AMER1: variants seen among roughly 807,000 people sequenced by gnomAD.
AMER1 encodes RP11-403E24.2.
Under a neutral mutation model 53.0 loss-of-function variants are expected in AMER1, and 16 were observed. The observed-to-expected ratio is 0.30, with a 90% CI of 0.20 to 0.46. The LOEUF (loss-of-function observed/expected upper bound fraction) is 0.46, where lower values mean the gene tolerates loss of function less well. Among genes scored for constraint, AMER1 ranks in the 20% least tolerant of loss-of-function variants. The probability of loss-of-function intolerance (pLI) is 1.00; values close to 1 mark genes in which losing one functional copy is unlikely to be tolerated. For synonymous variants in AMER1, 354 were observed against 331.9 expected, an observed-to-expected ratio of 1.07 and a Z score of -0.73; for missense variants, 947 against 884.9, an observed-to-expected ratio of 1.07 and a Z score of -0.89.
In AMER1 at chrX:64,187,892, C is replaced by A; in HGVS notation, c.*1987G>T. 1.3e-6 allele frequency: 1 copy of A among 777,865 alleles called. No homozygotes were observed. Among genetic ancestry groups the A allele is most frequent in the South Asian group, 6.7e-5 (1 of 15,010 alleles). 64.1% of individuals were successfully genotyped at this position (777,865 alleles called of 1,213,427 possible). A position where few individuals can be genotyped will look rare whatever the true frequency, so the allele number is the denominator to read the frequency against. ...GCTCCACAACAGATACATTTCTTCA[C>A]AATGTATCTGTAGCCAAAGTCAGCC... On this transcript the variant is annotated 3_prime_UTR_variant, in exon 2 of 2. Transcript: ENST00000374869.
In AMER1 at chrX:64,189,793, A is replaced by ACCGGGCC; in HGVS notation, c.*85_*86insGGCCCGG. 3.4e-6 allele frequency: 1 copy of ACCGGGCC among 292,062 alleles called. No individual in the cohort carries two copies. The highest frequency in any genetic ancestry group is 4.9e-6 in the Non-Finnish European group (1 of 204,820). The allele number at this position is 292,062 out of a possible 1,213,427, so 24.1% of individuals were successfully genotyped here. A position where few individuals can be genotyped will look rare whatever the true frequency, so the allele number is the denominator to read the frequency against. ...CAAAGGGTTTTCAAGTTAAACAACA[A>ACCGGGCC]CCCCCACCCCCCCACCCTTCTGCCC... On this transcript the variant is annotated 3_prime_UTR_variant, in exon 2 of 2. Transcript: ENST00000374869.
chrX:64,190,819 T>C lies in AMER1; in HGVS notation c.2468A>G (p.Glu823Gly). 2 of 1,211,347 alleles carry C rather than the reference T, an allele frequency of 1.7e-6. No individual in the cohort carries two copies. The highest frequency in any genetic ancestry group is 2.2e-6 in the Non-Finnish European group (2 of 895,314). ...ATCATTGTGGAACTCAGGATTCTCT[T>C]CACACTTGCCTTCCCCATCCCGTTC... is the stretch of plus-strand genomic sequence containing the variant. ...DVERDGEGKC[E>G]ENPEFHNDED... Residue 823 changes from glutamate (E) to glycine (G), a missense_variant, in exon 2 of 2, where the codon GAA becomes GGA. Transcript: ENST00000374869.
chrX:64,194,912 G>C, intron 1 of AMER1, among the ~76,000 whole-genome samples: 1 of 111,333 alleles, frequency 9.0e-6, no homozygotes, highest in Non-Finnish European at 1.9e-5. Flanking sequence ...TCATCAGTGT[G>C]ATGATCCAAG....
chrX:64,189,082 A>G lies in AMER1; in HGVS notation c.*797T>C. 1 of 797,123 alleles carries G rather than the reference A, an allele frequency of 1.3e-6. No individual in the cohort carries two copies. Among genetic ancestry groups the G allele is most frequent in the Non-Finnish European group, 1.5e-6 (1 of 668,492 alleles). 65.7% of individuals were successfully genotyped at this position (797,123 alleles called of 1,213,427 possible). A position where few individuals can be genotyped will look rare whatever the true frequency, so the allele number is the denominator to read the frequency against. The stretch of plus-strand genomic sequence containing the variant: ...TGAATTTTATCACTCCATCAAGGGG[A>G]TTAGCATTTTTGTCTTTAACCCAAG... On this transcript the variant is annotated 3_prime_UTR_variant, in exon 2 of 2. Transcript: ENST00000374869.
intron 1 of AMER1, among the ~76,000 whole-genome samples, chrX:64,204,529 C>G (rs1160105669): frequency 8.8e-6 from 1 of 113,169 alleles, no homozygotes; most frequent in Non-Finnish European, 1.9e-5. Flanking sequence ...GCCTGGCGGG[C>G]TGGGTATGTT....
chrX:64,189,464 TTGTG>T lies in AMER1; in HGVS notation c.*411_*414del, dbSNP rs776607488. ...GCTATATATGTGTGTGCATGTGTGT[TTGTG>T]TGTGTGTGTGTATGTATGTGTGTGT... On this transcript the variant is annotated 3_prime_UTR_variant, in exon 2 of 2. Coordinates refer to ENST00000374869, the MANE Select transcript of AMER1 (RefSeq NM_152424.4). The T allele has an allele frequency of 3.3e-4, 231 of 704,010 alleles. No individual in the cohort carries two copies. Among genetic ancestry groups the T allele is most frequent in the African/African-American group, 3.3e-3 (97 of 29,705 alleles). 58.0% of individuals were successfully genotyped at this position (704,010 alleles called of 1,213,427 possible). A position where few individuals can be genotyped will look rare whatever the true frequency, so the allele number is the denominator to read the frequency against.
chrX:64,203,287 A>G (rs1930529469), intron 1 of AMER1, among the ~76,000 whole-genome samples: 1 of 111,564 alleles, frequency 9.0e-6, no homozygotes, highest in East Asian at 2.8e-4. Context: ...GGCACACTCA[A>G]TACATATCTG....
chrX:64,189,585 C>T lies in AMER1; in HGVS notation c.*294G>A. ...TCACTAACTTGGCAACTGGAATAGGCACAAAATTACAGCATCCCAAACCCA... is the reference window on the plus strand; with the variant it reads ...TCACTAACTTGGCAACTGGAATAGGTACAAAATTACAGCATCCCAAACCCA... On this transcript the variant is annotated 3_prime_UTR_variant, in exon 2 of 2. Coordinates refer to ENST00000374869, the MANE Select transcript of AMER1 (RefSeq NM_152424.4). 2 of 802,686 alleles carry T rather than the reference C, an allele frequency of 2.5e-6. No individual in the cohort carries two copies. The highest frequency in any genetic ancestry group is 3.0e-6 in the Non-Finnish European group (2 of 674,829). 66.2% of individuals were successfully genotyped at this position (802,686 alleles called of 1,213,427 possible). A position where few individuals can be genotyped will look rare whatever the true frequency, so the allele number is the denominator to read the frequency against.
At chrX:64,203,550 T>G (rs1014325770) in intron 1 of AMER1, among the ~76,000 whole-genome samples, 1 of 111,351 alleles carries the variant, frequency 9.0e-6, no homozygotes, top group African/African-American at 3.3e-5. Flanking sequence ...TTAATTATAG[T>G]CTGCATCCTA....
At chrX:64,200,453 T>C (rs1284415235) in intron 1 of AMER1, among the ~76,000 whole-genome samples, 1 of 112,084 alleles carries the variant, frequency 8.9e-6, no homozygotes, top group Non-Finnish European at 1.9e-5. Flanking sequence ...AAGGAGAGTG[T>C]GATTCGAGGA....
intron 1 of AMER1, among the ~76,000 whole-genome samples, chrX:64,205,086 G>C (rs1018087600): frequency 3.5e-5 from 4 of 113,822 alleles, no homozygotes; most frequent in African/African-American, 1.3e-4. Flanking sequence ...GGAGGGAGAG[G>C]CTGGAGATGC....
In AMER1 at chrX:64,189,799, A is replaced by ACCCCCCCCCCCCCCCCCCCCCCCCCCC; in HGVS notation, c.*79_*80insGGGGGGGGGGGGGGGGGGGGGGGGGGG. On this transcript the variant is annotated 3_prime_UTR_variant, in exon 2 of 2. Coordinates refer to ENST00000374869, the MANE Select transcript of AMER1 (RefSeq NM_152424.4). ...GTTTTCAAGTTAAACAACAACCCCC[A>ACCCCCCCCCCCCCCCCCCCCCCCCCCC]CCCCCCCACCCTTCTGCCCAACCCC... is the stretch of plus-strand genomic sequence containing the variant. 2.4e-5 allele frequency: 3 copies of ACCCCCCCCCCCCCCCCCCCCCCCCCCC among 125,103 alleles called. No homozygotes were observed. The highest frequency in any genetic ancestry group is 2.9e-5 in the Non-Finnish European group (2 of 70,166). The allele number at this position is 125,103 out of a possible 1,213,427, so 10.3% of individuals were successfully genotyped here.
chrX:64,192,060 C>G lies in AMER1; in HGVS notation c.1227G>C (p.Leu409=), dbSNP rs748967963. The change falls in exon 2 of 2, where the codon CTG becomes CTC. Residue 409 remains leucine, a synonymous_variant. Transcript: ENST00000374869. The part of the protein sequence containing the change: ...EEEEDDDLEY[L]WETAQMYPRP... ...GTGGATACATTTGGGCAGTTTCCCA[C>G]AGATATTCTAAGTCATCATCTTCTT... 8.3e-7 allele frequency: 1 copy of G among 1,211,906 alleles called. No homozygotes were observed. Among genetic ancestry groups the G allele is most frequent in the South Asian group, 1.8e-5 (1 of 56,962 alleles).
Position 64,192,624 on chromosome X carries a change from G to A in AMER1, c.663C>T (p.Phe221=), listed in dbSNP as rs1930276921. 3.4e-6 allele frequency: 4 copies of A among 1,173,641 alleles called. No homozygotes were observed. ...APQVPCFEET[F]QAPRKENANP... ...TAGCATTTTCCTTTCTAGGGGCTTG[G>A]AAGGTCTCCTCAAAGCAGGGCACCT... Residue 221 remains phenylalanine, a synonymous_variant, in exon 2 of 2, where the codon TTC becomes TTT. Transcript: ENST00000374869.
rs1354732209 is a variant in AMER1 at position 64,189,699 on chromosome X, G to A, written c.*180C>T. ...CTGGGCAGATGCACTTGAGTTGAAC[G>A]TGGCCATAGATGGCAGAAGAGGCAA... On this transcript the variant is annotated 3_prime_UTR_variant, in exon 2 of 2. Coordinates refer to ENST00000374869, the MANE Select transcript of AMER1 (RefSeq NM_152424.4). 5 of 1,089,230 alleles carry A rather than the reference G, an allele frequency of 4.6e-6. No homozygotes were observed. Among genetic ancestry groups the A allele is most frequent in the East Asian group, 3.4e-5 (1 of 29,668 alleles). The allele number at this position is 1,089,230 out of a possible 1,213,427, so 89.8% of individuals were successfully genotyped here. A position where few individuals can be genotyped will look rare whatever the true frequency, so the allele number is the denominator to read the frequency against.
chrX:64,203,440 G>T (rs1930533645), intron 1 of AMER1, among the ~76,000 whole-genome samples: 1 of 111,827 alleles, frequency 8.9e-6, no homozygotes, highest in East Asian at 2.8e-4. Context: ...GCTTGGCTTT[G>T]AGAGGGTTGT....
intron 1 of AMER1, among the ~76,000 whole-genome samples, chrX:64,195,020 C>T (rs1255879201): frequency 8.9e-6 from 1 of 112,025 alleles, no homozygotes; most frequent in Non-Finnish European, 1.9e-5. Flanking sequence ...AAGGAAAGTT[C>T]ATCTGAACCT....
intron 1 of AMER1, among the ~76,000 whole-genome samples, chrX:64,199,163 CA>C (rs1370340967): frequency 8.9e-6 from 1 of 112,235 alleles, no homozygotes; most frequent in Non-Finnish European, 1.9e-5. Flanking sequence ...AGCAAGACCC[CA>C]AATTGGGACT....
rs1930134848 is a variant in AMER1 at position 64,187,569 on chromosome X, G to C, written c.*2310C>G. Reference sequence around the variant, plus strand: ...TTTTCTCTTCCCAGATAGGCTGGTGGCCCTTCTCCAGCAGGGTCTGGAGGC... The same window carrying C: ...TTTTCTCTTCCCAGATAGGCTGGTGCCCCTTCTCCAGCAGGGTCTGGAGGC... On this transcript the variant is annotated 3_prime_UTR_variant, in exon 2 of 2. Coordinates refer to ENST00000374869, the MANE Select transcript of AMER1 (RefSeq NM_152424.4). 8 of 776,438 alleles carry C rather than the reference G, an allele frequency of 1.0e-5. No individual in the cohort carries two copies. Among genetic ancestry groups the C allele is most frequent in the Admixed American group, 8.3e-5 (1 of 12,056 alleles). The allele number at this position is 776,438 out of a possible 1,213,427, so 64.0% of individuals were successfully genotyped here. A position where few individuals can be genotyped will look rare whatever the true frequency, so the allele number is the denominator to read the frequency against.
Sources: allele counts gnomAD v4.1 joint callset (sites outside exome capture counted in the v4.1 genomes callset), GRCh38; gene constraint gnomAD v4.1.1; transcripts MANE v1.5; gene names NCBI Gene and HGNC (gene_info 2026-07-23, HGNC 2026-07-21).